Variants in TRIM2 observed in about 807,000 individuals in gnomAD.
TRIM2 encodes the protein tripartite motif-containing protein 2.
TRIM2 carries 20 observed loss-of-function variants against 75.2 expected under a neutral mutation model. The ratio of observed to expected loss-of-function variants is 0.27; its 90% CI spans 0.19 to 0.39. TRIM2 has a LOEUF of 0.39. Ranked by LOEUF, TRIM2 falls within the 10% of genes least tolerant of loss-of-function variation. The pLI, the probability that TRIM2 is intolerant of heterozygous loss-of-function variation, is 1.00. For missense variants in TRIM2, 660 were observed against 990.8 expected (o/e 0.67, Z 4.48); for synonymous variants, 373 against 388.3 (o/e 0.96, Z 0.46).
intron 6 of TRIM2, among the ~76,000 whole-genome samples, chr4:153,304,469 T>C (rs1158191968): frequency 6.6e-6 from 1 of 151,950 alleles, no homozygotes; most frequent in Non-Finnish European, 1.5e-5. Flanking sequence ...ATTTGTCAGA[T>C]GGAAGGAGGA....
In TRIM2 at chr4:153,244,426, C is replaced by CT. The variant is rs1748434243; in HGVS notation, c.31-25907dup. Among the ~76,000 whole-genome samples, 2 of 104,212 alleles carry CT rather than the reference C, an allele frequency of 1.9e-5. 1 individual carries two copies. Among genetic ancestry groups the CT allele is most frequent in the Non-Finnish European group, 3.9e-5 (2 of 51,410 alleles). The allele number at this position is 104,212 out of a possible 152,430, so 68.4% of individuals were successfully genotyped here. On this transcript the variant is annotated intron_variant, in intron 1 of 11. Coordinates refer to ENST00000338700, the MANE Select transcript of TRIM2 (RefSeq NM_015271.5). ...TCTTCTTCTTCTTCTTCTTCTTCTT[C>CT]TTCTTCTTCTTTTAATTAGAGAGGA... is the stretch of plus-strand genomic sequence containing the variant.
At chr4:153,273,369 G>A (rs1258186183) in intron 2 of TRIM2, among the ~76,000 whole-genome samples, 2 of 142,408 alleles carry the variant, frequency 1.4e-5, no homozygotes, top group East Asian at 2.1e-4. Context: ...TCCACCTCCC[G>A]GGTTCACGCC....
intron 8 of TRIM2, 44 bp from the exon 9 acceptor site, chr4:153,322,604 T>G: frequency 6.3e-7 from 1 of 1,589,110 alleles, no homozygotes; most frequent in Non-Finnish European, 8.6e-7. Flanking sequence ...GGTTTAAACT[T>G]TGACTCTATA....
intron 1 of TRIM2, among the ~76,000 whole-genome samples, chr4:153,226,436 C>T (rs1197774758): frequency 6.6e-6 from 1 of 152,168 alleles, no homozygotes; most frequent in Non-Finnish European, 1.5e-5. Flanking sequence ...TGCAGTAAAA[C>T]GAACTAACCT....
At chr4:153,273,943 G>C (rs1027914611) in intron 2 of TRIM2, among the ~76,000 whole-genome samples, 1 of 152,198 alleles carries the variant, frequency 6.6e-6, no homozygotes, top group African/African-American at 2.4e-5. Context: ...TTGCTATAGT[G>C]AGTGAGAGGT....
At chr4:153,285,572 C>T (rs1760428116) in intron 3 of TRIM2, among the ~76,000 whole-genome samples, 1 of 152,216 alleles carries the variant, frequency 6.6e-6, no homozygotes. Flanking sequence ...ATCCTCCTGC[C>T]TCAGCCTCCC....
At chr4:153,299,814 C>T (rs1763491398) in intron 6 of TRIM2, among the ~76,000 whole-genome samples, 1 of 152,130 alleles carries the variant, frequency 6.6e-6, no homozygotes, top group African/African-American at 2.4e-5. Flanking sequence ...AACTACTCAC[C>T]CCACCACTCT....
chr4:153,195,180 AAGACAG>A (rs1477842217), intron 1 of TRIM2, among the ~76,000 whole-genome samples: 4 of 152,202 alleles, frequency 2.6e-5, no homozygotes, highest in African/African-American at 9.6e-5. Flanking sequence ...AGGCCATGTG[AAGACAG>A]AGACAGAGAC....
rs557122954 is a variant in TRIM2, at chr4:153,235,987, C to T, written c.30+31427C>T. Among the ~76,000 whole-genome samples the T allele has an allele frequency of 5.9e-5, 9 of 152,134 alleles. No individual in the cohort carries two copies. The South Asian group carries it at 1.0e-3, about 18-fold the overall frequency. On this transcript the variant is annotated intron_variant, in intron 1 of 11. Coordinates refer to ENST00000338700, the MANE Select transcript of TRIM2 (RefSeq NM_015271.5). ...TGTGACATGTGTCGTGGGAGGGATC[C>T]GGTGGGGATCAAATCATGGGGGCAG...
In TRIM2 at chr4:153,339,158, A is replaced by C; in HGVS notation, c.*4192A>C. 3 of 985,870 alleles carry C rather than the reference A, an allele frequency of 3.0e-6. No homozygotes were observed. The highest frequency in any genetic ancestry group is 3.6e-6 in the Non-Finnish European group (3 of 829,918). 61.1% of individuals were successfully genotyped at this position (985,870 alleles called of 1,614,324 possible). On this transcript the variant is annotated 3_prime_UTR_variant, in exon 12 of 12. Transcript: ENST00000338700. ...GAACGCTGTGCATCAAAGTGTTTGT[A>C]TGTTCGTAGCTACATACGTACCACA...
At position 153,338,416 on chromosome 4, in the gene TRIM2, C is replaced by A; in HGVS notation, c.*3450C>A. 1.0e-6 allele frequency: 1 copy of A among 985,686 alleles called. No homozygotes were observed. The highest frequency in any genetic ancestry group is 1.2e-6 in the Non-Finnish European group (1 of 829,808). 61.1% of individuals were successfully genotyped at this position (985,686 alleles called of 1,614,324 possible). A position where few individuals can be genotyped will look rare whatever the true frequency, so the allele number is the denominator to read the frequency against. ...ACAATTTAATAATTTAAAAACAAGA[C>A]ATCTCCAGGTAGGAAAAAATGAAAG... On this transcript the variant is annotated 3_prime_UTR_variant, in exon 12 of 12. Transcript: ENST00000338700.
In TRIM2 at chr4:153,337,139, G is replaced by A; in HGVS notation, c.*2173G>A. The A allele has an allele frequency of 1.0e-6, 1 of 985,382 alleles. No homozygotes were observed. The highest frequency in any genetic ancestry group is 1.2e-6 in the Non-Finnish European group (1 of 829,914). 61.0% of individuals were successfully genotyped at this position (985,382 alleles called of 1,614,324 possible). ...TGCACAAAAGACAGGCTAGACTCTT[G>A]TCTAGATTGTTTAAAAGAAACTTTT... On this transcript the variant is annotated 3_prime_UTR_variant, in exon 12 of 12. Coordinates refer to ENST00000338700, the MANE Select transcript of TRIM2 (RefSeq NM_015271.5).
chr4:153,212,166 T>C (rs1737212709), intron 1 of TRIM2, among the ~76,000 whole-genome samples: 1 of 152,100 alleles, frequency 6.6e-6, no homozygotes, highest in East Asian at 1.9e-4. Context: ...CAGATGATGA[T>C]TAAAGTGTGG....
At chr4:153,225,089 C>T (rs535649646) in intron 1 of TRIM2, among the ~76,000 whole-genome samples, 9 of 152,268 alleles carry the variant, frequency 5.9e-5, no homozygotes, top group East Asian at 1.9e-4. Flanking sequence ...GATAACTCAA[C>T]GGGGTAATAT....
chr4:153,271,944 C>T (rs956891150), intron 2 of TRIM2, among the ~76,000 whole-genome samples: 4 of 152,150 alleles, frequency 2.6e-5, no homozygotes, highest in African/African-American at 9.7e-5. Context: ...CTTCCTCACT[C>T]TGACAGGTGA....
chr4:153,241,169 T>C (rs1192984085), intron 1 of TRIM2, among the ~76,000 whole-genome samples: 2 of 152,202 alleles, frequency 1.3e-5, no homozygotes, highest in Non-Finnish European at 2.9e-5. Flanking sequence ...AACAGATCCC[T>C]TCTACAAGAG....
At chr4:153,193,281 G>GCCA (rs1733406694) in intron 1 of TRIM2, among the ~76,000 whole-genome samples, 2 of 151,620 alleles carry the variant, frequency 1.3e-5, no homozygotes, top group African/African-American at 4.9e-5. Flanking sequence ...ACAGGTGCCT[G>GCCA]CCACCACGCC....
At chr4:153,177,358 T>TA (rs1731549399) in intron 1 of TRIM2, among the ~76,000 whole-genome samples, 1 of 152,104 alleles carries the variant, frequency 6.6e-6, no homozygotes, top group Non-Finnish European at 1.5e-5. Context: ...TAGGCCCACT[T>TA]AAAAAACAGG....
In TRIM2 at chr4:153,337,813, A is replaced by G. The variant is rs1772618874; in HGVS notation, c.*2847A>G. ...GATAAGTAGCACTGAAAAATTACTC[A>G]TTCAAATTTCCCCTGGGCACGTAAG... On this transcript the variant is annotated 3_prime_UTR_variant, in exon 12 of 12. Transcript: ENST00000338700. 2.0e-6 allele frequency: 2 copies of G among 985,738 alleles called. No individual in the cohort carries two copies. Among genetic ancestry groups the G allele is most frequent in the African/African-American group, 3.5e-5 (2 of 57,236 alleles). The allele number at this position is 985,738 out of a possible 1,614,324, so 61.1% of individuals were successfully genotyped here.
Sources: allele counts gnomAD v4.1 joint callset (sites outside exome capture counted in the v4.1 genomes callset), GRCh38; gene constraint gnomAD v4.1.1; transcripts MANE v1.5; gene names NCBI Gene and HGNC (gene_info 2026-07-23, HGNC 2026-07-21).